Variants in PASD1 observed in about 807,000 individuals in gnomAD.
PASD1 encodes the protein circadian clock protein PASD1.
PASD1 carries 13 observed loss-of-function variants against 58.8 expected under a neutral mutation model. That is an observed-to-expected ratio of 0.22 (90% CI 0.14 to 0.35). The LOEUF is 0.35. Among genes scored for constraint, PASD1 ranks in the 10% least tolerant of loss-of-function variants. The pLI is 1.00. For missense variants in PASD1, 734 were observed against 568.3 expected (o/e 1.29, Z -2.96); for synonymous variants, 236 against 216.7 (o/e 1.09, Z -0.78).
At chrX:151,622,821 C>A in intron 6 of PASD1, 116 bp from the exon 7 acceptor site, 1 of 811,560 alleles carries the variant, frequency 1.2e-6, no homozygotes. Flanking sequence ...TCCCATGGCT[C>A]AGAATTTTGA....
intron 1 of PASD1, among the ~76,000 whole-genome samples, chrX:151,582,187 C>T (rs1365341450): frequency 1.8e-5 from 2 of 109,833 alleles, no homozygotes; most frequent in African/African-American, 3.3e-5. Flanking sequence ...GGGGTTTCAC[C>T]GTGTTAGCCG....
At chrX:151,631,228 C>T (rs765349272) in intron 8 of PASD1, among the ~76,000 whole-genome samples, 1 of 111,645 alleles carries the variant, frequency 9.0e-6, no homozygotes, top group Non-Finnish European at 1.9e-5. Context: ...ATTTTAGACT[C>T]ATTGTACAGG....
chrX:151,590,322 C>G (rs1000337419), intron 1 of PASD1, among the ~76,000 whole-genome samples: 1 of 112,021 alleles, frequency 8.9e-6, no homozygotes, highest in South Asian at 3.7e-4. Flanking sequence ...TGTAAGTAAA[C>G]TCATGAATTA....
intron 3 of PASD1, among the ~76,000 whole-genome samples, chrX:151,607,733 C>A (rs140552144): frequency 0.014 from 1,542 of 111,980 alleles, 24 homozygotes; most frequent in African/African-American, 0.048. Context: ...GGTTACCTGG[C>A]TTTTCTGGAA....
At chrX:151,601,820 T>C (rs2013421013) in intron 2 of PASD1, among the ~76,000 whole-genome samples, 1 of 112,059 alleles carries the variant, frequency 8.9e-6, no homozygotes, top group Non-Finnish European at 1.9e-5. Flanking sequence ...CCTTGCACAG[T>C]GCCTGCCCAG....
At chrX:151,588,925 C>A (rs2013207693) in intron 1 of PASD1, among the ~76,000 whole-genome samples, 1 of 111,971 alleles carries the variant, frequency 8.9e-6, no homozygotes, top group African/African-American at 3.2e-5. Context: ...GCTGAAGATT[C>A]ATTCCAGCCA....
At chrX:151,609,047 T>C (rs989780618) in intron 3 of PASD1, among the ~76,000 whole-genome samples, 9 of 111,646 alleles carry the variant, frequency 8.1e-5, no homozygotes, top group African/African-American at 2.6e-4. Context: ...TTTGTTTTAT[T>C]AATTTCTGCT....
chrX:151,584,225 A>G (rs1009042129), intron 1 of PASD1, among the ~76,000 whole-genome samples: 2 of 111,757 alleles, frequency 1.8e-5, no homozygotes, highest in African/African-American at 6.5e-5. Context: ...CCAGAAGAAA[A>G]GCAGAAGCTT....
At chrX:151,589,780 T>C (rs2013220726) in intron 1 of PASD1, among the ~76,000 whole-genome samples, 1 of 111,976 alleles carries the variant, frequency 8.9e-6, no homozygotes, top group Admixed American at 9.5e-5. Flanking sequence ...ATGGCACACA[T>C]ACTAATTGTA....
At chrX:151,644,449 C>T (rs190806337) in intron 8 of PASD1, among the ~76,000 whole-genome samples, 71 of 112,073 alleles carry the variant, frequency 6.3e-4, no homozygotes, top group African/African-American at 2.3e-3. Flanking sequence ...CTAGTCTGCT[C>T]ATCTTAACAC....
At chrX:151,599,266 C>T (rs1456409160) in intron 1 of PASD1, among the ~76,000 whole-genome samples, 2 of 112,838 alleles carry the variant, frequency 1.8e-5, no homozygotes, top group Admixed American at 9.3e-5. Context: ...TTCTTTTCCC[C>T]ACATTTCCCC....
At chrX:151,632,206 G>C (rs2013877489) in intron 8 of PASD1, among the ~76,000 whole-genome samples, 1 of 110,636 alleles carries the variant, frequency 9.0e-6, no homozygotes, top group Non-Finnish European at 1.9e-5. Flanking sequence ...GCATTTTATA[G>C]GTTAAAAATG....
intron 9 of PASD1, among the ~76,000 whole-genome samples, chrX:151,659,202 C>CT (rs1302222745): frequency 8.9e-6 from 1 of 112,315 alleles, no homozygotes; most frequent in Admixed American, 9.4e-5. Context: ...CCTGGTTGGC[C>CT]TTTTCTTGCT....
Position 151,603,571 on chromosome X carries a change from T to A in PASD1, c.29-1075T>A, listed in dbSNP as rs141315692. Among the ~76,000 whole-genome samples the A allele has an allele frequency of 3.1e-3, 346 of 111,689 alleles. 1 individual carries two copies. Among genetic ancestry groups the A allele is most frequent in the African/African-American group, 0.011 (331 of 30,758 alleles). On this transcript the variant is annotated intron_variant, in intron 2 of 15. Coordinates refer to ENST00000370357, the MANE Select transcript of PASD1 (RefSeq NM_173493.3). The stretch of plus-strand genomic sequence containing the variant: ...AGAAATTGACTATGGAAGAGTGTCA[T>A]GGGTTGTTTCTTGAGTTTGAAGAGC...
intron 8 of PASD1, among the ~76,000 whole-genome samples, chrX:151,641,853 T>A (rs73239677): frequency 0.19 from 21,296 of 110,150 alleles, 1,708 homozygotes; most frequent in Non-Finnish European, 0.26. Flanking sequence ...CGCGCGCGCG[T>A]ATACCAGACA....
At chrX:151,589,308 C>A (rs2013214672) in intron 1 of PASD1, among the ~76,000 whole-genome samples, 3 of 111,572 alleles carry the variant, frequency 2.7e-5, no homozygotes, top group Non-Finnish European at 1.9e-5. Flanking sequence ...TTAGACTTAC[C>A]TGGTAGGCCC....
intron 1 of PASD1, among the ~76,000 whole-genome samples, chrX:151,587,774 T>G (rs960934493): frequency 8.9e-6 from 1 of 111,915 alleles, no homozygotes; most frequent in Non-Finnish European, 1.9e-5. Context: ...CTGCCTTTCC[T>G]GGCGTATTGT....
At chrX:151,667,419 C>G (rs1362299298) in intron 11 of PASD1, among the ~76,000 whole-genome samples, 72 of 111,422 alleles carry the variant, frequency 6.5e-4, no homozygotes, top group South Asian at 3.8e-4. Flanking sequence ...GCTTTTGTTG[C>G]CATTGCTTTC....
intron 3 of PASD1, among the ~76,000 whole-genome samples, chrX:151,610,454 T>C (rs1003091561): frequency 8.9e-6 from 1 of 111,974 alleles, no homozygotes; most frequent in East Asian, 2.8e-4. Context: ...TGCCCTGTGT[T>C]ATTTATTTAA....
Sources: gnomAD v4.1 joint callset for allele counts (sites outside exome capture counted in the v4.1 genomes callset) on GRCh38, gnomAD v4.1.1 for gene constraint, MANE v1.5 for transcripts, NCBI Gene and HGNC (gene_info 2026-07-23, HGNC 2026-07-21) for gene names.